The following TTC28 variants were observed in gnomAD, a reference collection of about 807,000 sequenced individuals.
TTC28 encodes the protein tetratricopeptide repeat protein 28.
In TTC28, 61 loss-of-function variants were observed where a neutral mutation model predicts 198.0. That is an observed-to-expected ratio of 0.31 (90% CI 0.25 to 0.38). The LOEUF (loss-of-function observed/expected upper bound fraction) is 0.38. Ranked by LOEUF, TTC28 falls within the 10% of genes least tolerant of loss-of-function variation. The pLI, the probability that TTC28 is intolerant of heterozygous loss-of-function variation, is 1.00. For missense variants in TTC28, 2,678 were observed against 3,164.0 expected, an observed-to-expected ratio of 0.85 and a Z score of 3.69; for synonymous variants, 1,171 against 1,297.8, an observed-to-expected ratio of 0.90 and a Z score of 2.10.
intron 12 of TTC28, among the ~76,000 whole-genome samples, chr22:28,035,808 G>T (rs570162224): frequency 6.6e-6 from 1 of 152,120 alleles, no homozygotes; most frequent in Non-Finnish European, 1.5e-5. Context: ...AAGAGCCTGG[G>T]CTAAAGAAAA....
chr22:28,149,969 A>G (rs1434915014), intron 6 of TTC28, among the ~76,000 whole-genome samples: 1 of 152,236 alleles, frequency 6.6e-6, no homozygotes. Flanking sequence ...TCTTTCTGCA[A>G]GGTATACATA....
intron 2 of TTC28, among the ~76,000 whole-genome samples, chr22:28,503,254 TAGGGCATGTCCTCCTGTCACATGC>T (rs1182385240): frequency 6.6e-6 from 1 of 152,164 alleles, no homozygotes; most frequent in Admixed American, 6.5e-5. Context: ...ACCTCCACAC[TAGGGCATGTCCTCCTGTCACATGC>T]TCTCATCCCC....
intron 2 of TTC28, among the ~76,000 whole-genome samples, chr22:28,616,642 A>C (rs980976109): frequency 1.3e-5 from 2 of 151,996 alleles, no homozygotes; most frequent in African/African-American, 4.8e-5. Context: ...GCTTAAGCTC[A>C]AGAGTTTGAG....
At chr22:28,348,546 G>C (rs1428189670) in intron 2 of TTC28, among the ~76,000 whole-genome samples, 1 of 152,174 alleles carries the variant, frequency 6.6e-6, no homozygotes, top group Non-Finnish European at 1.5e-5. Context: ...AGGAGGTGAG[G>C]CTTCTCTGCA....
At chr22:28,113,606 A>G (rs1942550881) in intron 6 of TTC28, among the ~76,000 whole-genome samples, 1 of 152,242 alleles carries the variant, frequency 6.6e-6, no homozygotes, top group African/African-American at 2.4e-5. Flanking sequence ...TAGTCTTGCT[A>G]GGTGTGACAT....
At chr22:28,481,813 T>G (rs887532051) in intron 2 of TTC28, among the ~76,000 whole-genome samples, 22 of 152,310 alleles carry the variant, frequency 1.4e-4, no homozygotes, top group African/African-American at 5.3e-4. Context: ...ATGTTGGTTT[T>G]GTGCTGCAAT....
intron 2 of TTC28, among the ~76,000 whole-genome samples, chr22:28,460,620 T>C (rs1194421157): frequency 5.0e-5 from 2 of 40,034 alleles, no homozygotes; most frequent in African/African-American, 1.0e-4. Flanking sequence ...GATAGATAGA[T>C]AGATAGATAG....
intron 12 of TTC28, among the ~76,000 whole-genome samples, chr22:28,049,741 G>A (rs1226683741): frequency 6.6e-6 from 1 of 152,184 alleles, no homozygotes; most frequent in East Asian, 1.9e-4. Flanking sequence ...CAAGATGAGT[G>A]TGTGTGAGGG....
At chr22:28,473,258 T>A (rs1446686535) in intron 2 of TTC28, among the ~76,000 whole-genome samples, 3 of 152,230 alleles carry the variant, frequency 2.0e-5, no homozygotes, top group Admixed American at 1.3e-4. Flanking sequence ...TAATCCTCAG[T>A]ACCTCAGAAT....
intron 1 of TTC28, among the ~76,000 whole-genome samples, chr22:28,638,407 A>C (rs1018504503): frequency 6.6e-6 from 1 of 152,108 alleles, no homozygotes; most frequent in Non-Finnish European, 1.5e-5. Flanking sequence ...CTGAGTCCTA[A>C]GTACAACACA....
intron 5 of TTC28, among the ~76,000 whole-genome samples, chr22:28,174,023 T>C (rs1408487659): frequency 6.6e-6 from 1 of 152,192 alleles, no homozygotes; most frequent in Non-Finnish European, 1.5e-5. Context: ...ACTGCTCAAA[T>C]CTACATGCTC....
At chr22:28,172,412 T>C (rs1333724590) in intron 5 of TTC28, among the ~76,000 whole-genome samples, 1 of 152,176 alleles carries the variant, frequency 6.6e-6, no homozygotes, top group Non-Finnish European at 1.5e-5. Flanking sequence ...CTTTGAACAC[T>C]GCATAGGATG....
Position 28,619,937 on chromosome 22 carries a change from G to A in TTC28, c.381+9615C>T, listed in dbSNP as rs116557360. 3.7e-3 allele frequency among the ~76,000 whole-genome samples: 567 copies of A among 152,278 alleles called. 8 individuals are homozygous for A. Among genetic ancestry groups the A allele is most frequent in the African/African-American group, 0.013 (549 of 41,562 alleles). On this transcript the variant is annotated intron_variant, in intron 2 of 22. Transcript: ENST00000397906. ...ACAAATAGATAACTTATTTTAAGAA[G>A]AGACAAGACCACATTGAAGATAAAG...
intron 6 of TTC28, among the ~76,000 whole-genome samples, chr22:28,154,323 T>A (rs1388951790): frequency 4.2e-5 from 3 of 71,292 alleles, no homozygotes; most frequent in African/African-American, 1.3e-4. Flanking sequence ...AGATGGCCAT[T>A]TTTTTTTTTT....
chr22:27,981,230 A>AATTTT lies in TTC28; in HGVS notation c.*990_*991insAAAAT, dbSNP rs1937005333. The AATTTT allele has an allele frequency of 2.1e-5, 1 of 48,176 alleles. No individual in the cohort carries two copies. The highest frequency in any genetic ancestry group is 4.2e-5 in the Non-Finnish European group (1 of 23,832). The allele number at this position is 48,176 out of a possible 1,614,324, so 3.0% of individuals were successfully genotyped here. On this transcript the variant is annotated 3_prime_UTR_variant, in exon 23 of 23. Transcript: ENST00000397906. ...TGGTTAAATCTAGTTAGCCATGGAA[A>AATTTT]TTTTTTTTTTTTTTTTTTTTTTTTT... is the stretch of plus-strand genomic sequence containing the variant.
intron 2 of TTC28, among the ~76,000 whole-genome samples, chr22:28,498,165 G>A (rs2048482506): frequency 6.6e-6 from 1 of 151,214 alleles, no homozygotes. Context: ...CAAAAAAGGT[G>A]GGAAGTGGTG....
At chr22:28,039,848 T>A (rs1569100860) in intron 12 of TTC28, among the ~76,000 whole-genome samples, 1 of 151,482 alleles carries the variant, frequency 6.6e-6, no homozygotes, top group Admixed American at 6.6e-5. Flanking sequence ...GCAAGACTAA[T>A]AAAGAAGAAA....
At chr22:28,572,018 C>G (rs1394229322) in intron 2 of TTC28, among the ~76,000 whole-genome samples, 1 of 150,316 alleles carries the variant, frequency 6.7e-6, no homozygotes, top group African/African-American at 2.4e-5. Context: ...AGCAACTTAA[C>G]TTCAAGAGAA....
Position 28,107,253 on chromosome 22 carries a change from C to A in TTC28, c.2592G>T (p.Leu864=). 1 of 1,551,786 alleles carries A rather than the reference C, an allele frequency of 6.4e-7. No individual in the cohort carries two copies. Among genetic ancestry groups the A allele is most frequent in the Non-Finnish European group, 8.7e-7 (1 of 1,147,000 alleles). ...IGYFEQQLAM[L]QQLSGNESVL... ...CAGACTCATTTCCACTTAGCTGCTG[C>A]AGCATGGCCAATTGCTGCTCAAAGT... is the stretch of plus-strand genomic sequence containing the variant. Residue 864 remains leucine (L), a synonymous_variant, in exon 7 of 23, where the codon CTG becomes CTT. Transcript: ENST00000397906.
Sources: gnomAD v4.1 joint callset for allele counts (sites outside exome capture counted in the v4.1 genomes callset) on GRCh38, gnomAD v4.1.1 for gene constraint, MANE v1.5 for transcripts, NCBI Gene and HGNC (gene_info 2026-07-23, HGNC 2026-07-21) for gene names.